Variants in MIR2052HG observed in about 807,000 individuals in gnomAD.
MIR2052HG encodes MIR2052 host gene.
intron 2 of MIR2052HG, among the ~76,000 whole-genome samples, chr8:74,691,129 A>G (rs1458636439): frequency 1.3e-5 from 2 of 152,230 alleles, no homozygotes; most frequent in African/African-American, 4.8e-5. Context: ...AAAGGAGCAC[A>G]ATGTGTACAA....
chr8:74,674,934 G>A (rs115327645), intron 2 of MIR2052HG, among the ~76,000 whole-genome samples: 1,875 of 151,596 alleles, frequency 0.012, 29 homozygotes, highest in African/African-American at 0.044. Flanking sequence ...CCAATAACAG[G>A]CTTTTATTGA....
chr8:74,628,099 A>C (rs762683073), intron 2 of MIR2052HG, among the ~76,000 whole-genome samples: 1 of 152,136 alleles, frequency 6.6e-6, no homozygotes, highest in Non-Finnish European at 1.5e-5. Flanking sequence ...GGGCACGAGG[A>C]AGAGAGAGTA....
chr8:74,689,657 C>T (rs977633392), intron 2 of MIR2052HG, among the ~76,000 whole-genome samples: 1 of 152,152 alleles, frequency 6.6e-6, no homozygotes, highest in African/African-American at 2.4e-5. Flanking sequence ...AAGTCTATAA[C>T]ATGGTATTTG....
intron 2 of MIR2052HG, among the ~76,000 whole-genome samples, chr8:74,660,451 T>C (rs1316687318): frequency 6.6e-6 from 1 of 152,296 alleles, no homozygotes; most frequent in Non-Finnish European, 1.5e-5. Flanking sequence ...GAGAGGTGTG[T>C]AAACAGGTGG....
At chr8:74,758,284 T>C (rs1810026270) in intron 6 of MIR2052HG, 1 of 152,104 alleles carries the variant, frequency 6.6e-6, no homozygotes, top group African/African-American at 2.4e-5. Context: ...TAGATTTTCC[T>C]CATTTTATTG....
chr8:74,729,770 G>A (rs1377844805), intron 4 of MIR2052HG, among the ~76,000 whole-genome samples: 1 of 152,076 alleles, frequency 6.6e-6, no homozygotes, highest in African/African-American at 2.4e-5. Context: ...AACAGAAGGG[G>A]TAGGAAAACA....
intron 2 of MIR2052HG, chr8:74,612,944 G>A (rs1390864685): frequency 2.2e-6 from 1 of 456,072 alleles, no homozygotes; most frequent in African/African-American, 2.0e-5. Flanking sequence ...GTGGAAGGTG[G>A]GAAAGATCTT....
chr8:74,679,696 T>C (rs2128738918), intron 2 of MIR2052HG, among the ~76,000 whole-genome samples: 1 of 151,742 alleles, frequency 6.6e-6, no homozygotes, highest in South Asian at 2.1e-4. Flanking sequence ...CTAAATTTTT[T>C]GTTTTGTTTT....
chr8:74,653,923 A>G (rs1468159786), intron 2 of MIR2052HG, among the ~76,000 whole-genome samples: 1 of 152,204 alleles, frequency 6.6e-6, no homozygotes, highest in African/African-American at 2.4e-5. Context: ...AGATTTTTCA[A>G]GATGGTTTTC....
At chr8:74,736,189 A>T (rs1289286914) in intron 4 of MIR2052HG, among the ~76,000 whole-genome samples, 1 of 151,792 alleles carries the variant, frequency 6.6e-6, no homozygotes, top group East Asian at 1.9e-4. Flanking sequence ...CTCCCAAAAT[A>T]CTCCTTTGGT....
intron 2 of MIR2052HG, among the ~76,000 whole-genome samples, chr8:74,638,675 C>G (rs376352217): frequency 2.0e-5 from 3 of 152,084 alleles, no homozygotes; most frequent in African/African-American, 7.2e-5. Flanking sequence ...GCTGGGGAAG[C>G]AATGAGAAAC....
chr8:74,616,511 CTTTTT>C (rs918838458), intron 2 of MIR2052HG, among the ~76,000 whole-genome samples: 2 of 151,402 alleles, frequency 1.3e-5, no homozygotes, highest in African/African-American at 4.9e-5. Context: ...ACCTTCCTTT[CTTTTT>C]AAGTATTACT....
rs1554575028 is a variant in MIR2052HG, at chr8:74,671,113, C to CAT, written n.217-31266_217-31265insAT. 2.4e-3 allele frequency among the ~76,000 whole-genome samples: 358 copies of CAT among 148,548 alleles called. 1 individual carries two copies. The highest frequency in any genetic ancestry group is 8.1e-3 in the African/African-American group (329 of 40,716). ...TAATAGTTACATCAATGAGAGTGTA[C>CAT]GTGTGTGTGTGTGTGTGTGTGTGTA... On this transcript the variant is annotated intron_variant and non_coding_transcript_variant, in intron 2 of 6. Transcript: ENST00000523442.
intron 4 of MIR2052HG, among the ~76,000 whole-genome samples, chr8:74,736,636 AGAG>A (rs1809747067): frequency 6.6e-6 from 1 of 152,226 alleles, no homozygotes; most frequent in African/African-American, 2.4e-5. Context: ...CAATTGCCCA[AGAG>A]TCCCATAGCT....
intron 1 of MIR2052HG, chr8:74,603,954 T>G (rs879097561): frequency 1.0e-6 from 1 of 995,222 alleles, no homozygotes; most frequent in Non-Finnish European, 1.6e-6. Flanking sequence ...TCAGGGTGAC[T>G]GGGGGTCTAG....
chr8:74,731,669 TC>T (rs1809693613), intron 4 of MIR2052HG, among the ~76,000 whole-genome samples: 2 of 152,100 alleles, frequency 1.3e-5, no homozygotes, highest in African/African-American at 4.8e-5. Context: ...TGTCTATCAT[TC>T]TACAAGACAT....
At chr8:74,732,324 A>T (rs1054337431) in intron 4 of MIR2052HG, among the ~76,000 whole-genome samples, 1 of 152,216 alleles carries the variant, frequency 6.6e-6, no homozygotes, top group South Asian at 2.1e-4. Flanking sequence ...TTGAACATCC[A>T]TGGATTTTGC....
intron 4 of MIR2052HG, among the ~76,000 whole-genome samples, chr8:74,720,106 C>T (rs1437281006): frequency 2.6e-5 from 4 of 152,144 alleles, no homozygotes; most frequent in African/African-American, 9.7e-5. Context: ...GCCTCGGCCT[C>T]CCAAAGTGTT....
intron 4 of MIR2052HG, among the ~76,000 whole-genome samples, chr8:74,736,809 G>A (rs903729450): frequency 6.6e-6 from 1 of 152,184 alleles, no homozygotes; most frequent in African/African-American, 2.4e-5. Flanking sequence ...TTTCCTATAA[G>A]TGGAGGCTCA....
Sources: allele counts gnomAD v4.1 joint callset (sites outside exome capture counted in the v4.1 genomes callset), GRCh38; gene constraint gnomAD v4.1.1; transcripts MANE v1.5; gene names NCBI Gene and HGNC (gene_info 2026-07-23, HGNC 2026-07-21).